MAP2K5: variants seen among roughly 807,000 people sequenced by gnomAD.
MAP2K5 encodes mitogen-activated protein kinase kinase 5, also known as dual specificity mitogen-activated protein kinase kinase 5.
A neutral mutation model predicts 83.1 loss-of-function variants in MAP2K5; 49 were observed. The observed-to-expected ratio is 0.59, with a 90% CI of 0.47 to 0.75. MAP2K5 has a LOEUF of 0.75. MAP2K5 is among the 30% of genes least tolerant of loss of function. MAP2K5 has a pLI of 0.00. For synonymous variants in MAP2K5, 202 were observed against 191.8 expected, an observed-to-expected ratio of 1.05 and a Z score of -0.44; for missense variants, 457 against 557.5, an observed-to-expected ratio of 0.82 and a Z score of 1.82.
chr15:67,613,254 C>G (rs985054813), intron 8 of MAP2K5, among the ~76,000 whole-genome samples: 9 of 152,196 alleles, frequency 5.9e-5, no homozygotes, highest in Admixed American at 5.9e-4. Context: ...ACTTAAAAGA[C>G]TGGCTTTGCT....
rs1304253420 is a variant in MAP2K5, at chr15:67,573,079, T to C, written c.253-7675T>C. ...ATCAGGACATTCCTGAACCTGGGTA[T>C]GTTTAGTAAACGTTATCAATCTGTT... On this transcript the variant is annotated intron_variant, in intron 3 of 21. Transcript: ENST00000178640. The surrounding 1 kb of genome is among the most constrained non-coding windows in gnomAD (Gnocchi z 4.2). Among the ~76,000 whole-genome samples the C allele has an allele frequency of 6.6e-6, 1 of 152,188 alleles. No individual in the cohort carries two copies. The highest frequency in any genetic ancestry group is 2.4e-5 in the African/African-American group (1 of 41,440).
intron 21 of MAP2K5, among the ~76,000 whole-genome samples, chr15:67,797,936 G>A (rs1433137969): frequency 6.6e-6 from 1 of 152,200 alleles, no homozygotes; most frequent in African/African-American, 2.4e-5. Flanking sequence ...ACCCGCTTCA[G>A]CCTCCCAAAG....
intron 4 of MAP2K5, among the ~76,000 whole-genome samples, chr15:67,581,519 C>T (rs1180214877): frequency 2.6e-5 from 4 of 152,034 alleles, no homozygotes; most frequent in Non-Finnish European, 5.9e-5. Context: ...GTCTTTCACC[C>T]GTTATACATT....
intron 8 of MAP2K5, among the ~76,000 whole-genome samples, chr15:67,608,444 T>C (rs1396648911): frequency 6.6e-6 from 1 of 152,166 alleles, no homozygotes; most frequent in East Asian, 1.9e-4. Flanking sequence ...CTCATAAAAC[T>C]TGTGTCTGGA....
In MAP2K5 at chr15:67,747,154, C is replaced by T. The variant is rs1419683536; in HGVS notation, c.1075-1077C>T. 2.0e-5 allele frequency among the ~76,000 whole-genome samples: 3 copies of T among 152,144 alleles called. No homozygotes were observed. The highest frequency in any genetic ancestry group is 4.4e-5 in the Non-Finnish European group (3 of 68,030). The stretch of plus-strand genomic sequence containing the variant: ...ACTGTCCTCTGATAGGCCCAGCTTT[C>T]CCATCATAGAATAAAGATGATCATC... On this transcript the variant is annotated intron_variant, in intron 17 of 21. Coordinates refer to ENST00000178640, the MANE Select transcript of MAP2K5 (RefSeq NM_145160.3). This position sits in a 1 kb window ranked among gnomAD's most constrained non-coding sequence, Gnocchi z 4.1.
At chr15:67,616,652 A>G (rs1370063160) in intron 8 of MAP2K5, among the ~76,000 whole-genome samples, 1 of 152,200 alleles carries the variant, frequency 6.6e-6, no homozygotes, top group Non-Finnish European at 1.5e-5. Context: ...TATTTATTTT[A>G]AAATAGCCTT....
At position 67,665,334 on chromosome 15, in the gene MAP2K5, A is replaced by C. The variant is rs1415796847; in HGVS notation, c.847+689A>C. On this transcript the variant is annotated intron_variant, in intron 13 of 21. Coordinates refer to ENST00000178640, the MANE Select transcript of MAP2K5 (RefSeq NM_145160.3). The surrounding 1 kb of genome is among the most constrained non-coding windows in gnomAD (Gnocchi z 4.2). Reference sequence around the variant, plus strand: ...TAATGTTCCCAAAATATCTGAATTCATTTGGAGCAAATTATTAAGTGAGAA... The same window carrying C: ...TAATGTTCCCAAAATATCTGAATTCCTTTGGAGCAAATTATTAAGTGAGAA... Among the ~76,000 whole-genome samples, 4 of 152,202 alleles carry C rather than the reference A, an allele frequency of 2.6e-5. No homozygotes were observed. The highest frequency in any genetic ancestry group is 5.9e-5 in the Non-Finnish European group (4 of 68,034).
At position 67,807,039 on chromosome 15, in the gene MAP2K5, C is replaced by A; in HGVS notation, c.*289C>A. The A allele has an allele frequency of 1.6e-6, 2 of 1,244,838 alleles. No individual in the cohort carries two copies. Among genetic ancestry groups the A allele is most frequent in the Non-Finnish European group, 2.1e-6 (2 of 937,782 alleles). The allele number at this position is 1,244,838 out of a possible 1,614,324, so 77.1% of individuals were successfully genotyped here. On this transcript the variant is annotated 3_prime_UTR_variant, in exon 22 of 22. Transcript: ENST00000178640. The surrounding 1 kb of genome is among the most constrained non-coding windows in gnomAD (Gnocchi z 5.1). ...CAGGGTCCCTGCCCACTTCTGTTTTCCTAATGTTTTTCTCTATAAAGGGTC... is the reference window on the plus strand; with the variant it reads ...CAGGGTCCCTGCCCACTTCTGTTTTACTAATGTTTTTCTCTATAAAGGGTC...
rs536099732 is a variant in MAP2K5 at position 67,669,196 on chromosome 15, A to G, written c.847+4551A>G. Among the ~76,000 whole-genome samples, 291 of 152,184 alleles carry G rather than the reference A, an allele frequency of 1.9e-3. 2 individuals carry two copies. The highest frequency in any genetic ancestry group is 3.6e-3 in the Non-Finnish European group (244 of 68,022). On this transcript the variant is annotated intron_variant, in intron 13 of 21. Transcript: ENST00000178640. ...GAAACACATCAATATGTGAAACAAA[A>G]GATTTCTATGATCATAGAACTCATA...
intron 2 of MAP2K5, among the ~76,000 whole-genome samples, chr15:67,550,695 G>A (rs8032268): frequency 0.16 from 24,973 of 151,832 alleles, 2,858 homozygotes; most frequent in African/African-American, 0.32. Flanking sequence ...ATAAGGGCCC[G>A]GATGCTGAGA....
At position 67,665,827 on chromosome 15, in the gene MAP2K5, T is replaced by C. The variant is rs1353243753; in HGVS notation, c.847+1182T>C. Among the ~76,000 whole-genome samples the C allele has an allele frequency of 1.3e-5, 2 of 152,170 alleles. No homozygotes were observed. Among genetic ancestry groups the C allele is most frequent in the Non-Finnish European group, 2.9e-5 (2 of 68,032 alleles). ...TAGTGTTACTTTCTCTGAGTATAAA[T>C]AAGTGTGTAAACAAATTTGGTGGAT... On this transcript the variant is annotated intron_variant, in intron 13 of 21. Coordinates refer to ENST00000178640, the MANE Select transcript of MAP2K5 (RefSeq NM_145160.3). The surrounding 1 kb of genome is among the most constrained non-coding windows in gnomAD (Gnocchi z 4.2).
At position 67,634,367 on chromosome 15, in the gene MAP2K5, CAAAAAAAAAAAAAAAAAAAAAAAAA is replaced by C. The variant is rs71142390; in HGVS notation, c.585+3458_585+3482del. 1.3e-3 allele frequency among the ~76,000 whole-genome samples: 63 copies of C among 48,576 alleles called. 1 individual carries two copies. The highest frequency in any genetic ancestry group is 5.4e-3 in the South Asian group (7 of 1,306). The allele number at this position is 48,576 out of a possible 152,430, so 31.9% of individuals were successfully genotyped here. A position where few individuals can be genotyped will look rare whatever the true frequency, so the allele number is the denominator to read the frequency against. ...TGGGTGACAGAGTAAGACCTCATCT[CAAAAAAAAAAAAAAAAAAAAAAAAA>C]AAAAAAAAAAAAAAAAAGAATGTAT... On this transcript the variant is annotated intron_variant, in intron 9 of 21. Coordinates refer to ENST00000178640, the MANE Select transcript of MAP2K5 (RefSeq NM_145160.3).
In MAP2K5 at chr15:67,641,633, G is replaced by A. The variant is rs557977425; in HGVS notation, c.586-4598G>A. ...CATCCTTATTTGTCCTGGAGGTGTA[G>A]TGGAGAGCAGTGGAAATGCACCAAG... On this transcript the variant is annotated intron_variant, in intron 9 of 21. Transcript: ENST00000178640. 6 of 989,932 alleles carry A rather than the reference G, an allele frequency of 6.1e-6. 1 individual carries two copies. In the East Asian group the frequency reaches 6.8e-4, roughly 112 times the overall value. The allele number at this position is 989,932 out of a possible 1,614,324, so 61.3% of individuals were successfully genotyped here. A position where few individuals can be genotyped will look rare whatever the true frequency, so the allele number is the denominator to read the frequency against.
chr15:67,676,708 T>TAA lies in MAP2K5; in HGVS notation c.847+12064_847+12065dup, dbSNP rs2141176589. Among the ~76,000 whole-genome samples the TAA allele has an allele frequency of 6.6e-6, 1 of 152,228 alleles. No homozygotes were observed. The highest frequency in any genetic ancestry group is 1.9e-4 in the East Asian group (1 of 5,204). ...GTATAATTTTATTTAATTGTTATAA[T>TAA]AACCTTGTGAGGAGGTATCATTGTA... On this transcript the variant is annotated intron_variant, in intron 13 of 21. Transcript: ENST00000178640. This position sits in a 1 kb window ranked among gnomAD's most constrained non-coding sequence, Gnocchi z 4.8.
chr15:67,669,619 A>G (rs1279842385), intron 13 of MAP2K5, among the ~76,000 whole-genome samples: 1 of 152,282 alleles, frequency 6.6e-6, no homozygotes, highest in East Asian at 1.9e-4. Flanking sequence ...GGAGATAGTT[A>G]TAAAGATGGG....
In MAP2K5 at chr15:67,559,097, C is replaced by T. The variant is rs1159403957; in HGVS notation, c.185-4186C>T. Among the ~76,000 whole-genome samples the T allele has an allele frequency of 6.6e-6, 1 of 152,252 alleles. No individual in the cohort carries two copies. The highest frequency in any genetic ancestry group is 1.5e-5 in the Non-Finnish European group (1 of 68,042). ...TGCCTGAGAAGGGCTTTAAACATGA[C>T]ATCTTTTCCGGTAGTTTCCTGTTGA... On this transcript the variant is annotated intron_variant, in intron 2 of 21. Coordinates refer to ENST00000178640, the MANE Select transcript of MAP2K5 (RefSeq NM_145160.3). The surrounding 1 kb of genome is among the most constrained non-coding windows in gnomAD (Gnocchi z 4.7).
chr15:67,594,536 GTTTTTTC>G (rs1477450487), intron 7 of MAP2K5, among the ~76,000 whole-genome samples: 3 of 152,142 alleles, frequency 2.0e-5, no homozygotes, highest in Non-Finnish European at 4.4e-5. Flanking sequence ...ATGAAAAACA[GTTTTTTC>G]CACTGCAAAA....
chr15:67,673,462 T>C (rs996930000), intron 13 of MAP2K5, among the ~76,000 whole-genome samples: 2 of 152,214 alleles, frequency 1.3e-5, no homozygotes, highest in Non-Finnish European at 2.9e-5. Flanking sequence ...ATTATTTTGT[T>C]ATATTTATTA....
chr15:67,657,293 G>A (rs1470027184), intron 11 of MAP2K5, among the ~76,000 whole-genome samples: 1 of 152,070 alleles, frequency 6.6e-6, no homozygotes, highest in East Asian at 1.9e-4. Flanking sequence ...ACATGTGGAT[G>A]GGTTTTCACC....
Sources: gnomAD v4.1 joint callset for allele counts (sites outside exome capture counted in the v4.1 genomes callset) on GRCh38, gnomAD v4.1.1 for gene constraint, Gnocchi (gnomAD v3.1) non-coding constraint, MANE v1.5 for transcripts, NCBI Gene and HGNC (gene_info 2026-07-23, HGNC 2026-07-21) for gene names.